The following HSPA14 variants were observed in gnomAD, a reference collection of about 807,000 sequenced individuals.
HSPA14 encodes heat shock protein family A (Hsp70) member 14, also known as heat shock 70 kDa protein 14.
Under a neutral mutation model 65.5 loss-of-function variants are expected in HSPA14, and 37 were observed. That is an observed-to-expected ratio of 0.56 (90% CI 0.43 to 0.74). HSPA14 has a LOEUF of 0.74. Ranked by LOEUF, HSPA14 falls within the 30% of genes least tolerant of loss-of-function variation. HSPA14 has a pLI of 0.00. For missense variants in HSPA14, 564 were observed against 607.6 expected (o/e 0.93, Z 0.75); for synonymous variants, 203 against 214.2 (o/e 0.95, Z 0.46).
rs201873490 is a variant in HSPA14, at chr10:14,854,408, TTA to T, written c.890+130_890+131del. On this transcript the variant is annotated intron_variant, in intron 9 of 13. Transcript: ENST00000378372. The stretch of plus-strand genomic sequence containing the variant: ...ATCAACCATCTATAATGTCTTCACT[TTA>T]TTGGGGTCCAGTTTTTGTCAGACTA... The T allele has an allele frequency of 1.8e-3, 1,274 of 710,642 alleles. 15 individuals carry two copies. In the African/African-American group the frequency reaches 0.02, roughly 11 times the overall value. The allele number at this position is 710,642 out of a possible 1,614,324, so 44.0% of individuals were successfully genotyped here.
Position 14,867,119 on chromosome 10 carries a change from C to T in HSPA14, c.1030C>T (p.Leu344=). The T allele has an allele frequency of 6.2e-7, 1 of 1,613,714 alleles. No homozygotes were observed. The highest frequency in any genetic ancestry group is 8.5e-7 in the Non-Finnish European group (1 of 1,179,720). ...TGGAGGGTCTTCTCGAATCCCAAAG[C>T]TACAGCAACTGATTAAAGATCTTTT... is the stretch of plus-strand genomic sequence containing the variant. ...LCGGSSRIPK[L]QQLIKDLFPA... Residue 344 remains leucine, a synonymous_variant, in exon 11 of 14, where the codon CTA becomes TTA. Coordinates refer to ENST00000378372, the MANE Select transcript of HSPA14 (RefSeq NM_016299.4).
At chr10:14,864,155 G>A (rs1251874070) in intron 10 of HSPA14, among the ~76,000 whole-genome samples, 2 of 150,978 alleles carry the variant, frequency 1.3e-5, no homozygotes, top group Admixed American at 6.6e-5. Context: ...CTGGAGCCCA[G>A]GAATTTGAGG....
intron 7 of HSPA14, 51 bp from the exon 8 acceptor site, chr10:14,852,319 C>A: frequency 6.8e-7 from 1 of 1,470,946 alleles, no homozygotes; most frequent in Non-Finnish European, 9.4e-7. Context: ...TAATATCCAA[C>A]TTAGTTTTAA....
chr10:14,846,165 A>G, intron 3 of HSPA14: 2 of 985,030 alleles, frequency 2.0e-6, no homozygotes, highest in Middle Eastern at 5.2e-4. Flanking sequence ...TGAAATGGAT[A>G]CAGCTATATT....
intron 11 of HSPA14, 120 bp from the exon 12 acceptor site, chr10:14,867,616 T>C: frequency 3.6e-6 from 3 of 831,210 alleles, no homozygotes; most frequent in Non-Finnish European, 5.7e-6. Flanking sequence ...TTCTATTTTC[T>C]TCTCTTTGCC....
chr10:14,865,753 A>T (rs1832801659), intron 10 of HSPA14, among the ~76,000 whole-genome samples: 1 of 151,292 alleles, frequency 6.6e-6, no homozygotes, highest in African/African-American at 2.4e-5. Flanking sequence ...GAAGTCAGGT[A>T]CTCCAGCTTT....
At chr10:14,845,539 T>C (rs1202005969) in intron 3 of HSPA14, 1 of 984,638 alleles carries the variant, frequency 1.0e-6, no homozygotes, top group African/African-American at 1.7e-5. Flanking sequence ...ATTCCTGGAT[T>C]GGAATCCTGT....
chr10:14,844,972 G>A (rs1158621045), intron 3 of HSPA14: 5 of 985,354 alleles, frequency 5.1e-6, no homozygotes, highest in Non-Finnish European at 6.0e-6. Flanking sequence ...GTTGTAGACA[G>A]AAGTTTATGT....
At position 14,853,014 on chromosome 10, in the gene HSPA14, T is replaced by C. The variant is rs552664646; in HGVS notation, c.734+483T>C. On this transcript the variant is annotated intron_variant, in intron 8 of 13. Transcript: ENST00000378372. ...GTCTTGTTACTGGATATAATTACTCTAAAATTCTAACCCTTTTGGATGTTA... is the reference window on the plus strand; with the variant it reads ...GTCTTGTTACTGGATATAATTACTCCAAAATTCTAACCCTTTTGGATGTTA... Among the ~76,000 whole-genome samples, 27 of 152,222 alleles carry C rather than the reference T, an allele frequency of 1.8e-4. No homozygotes were observed. In the South Asian group the frequency reaches 5.6e-3, roughly 32 times the overall value.
intron 3 of HSPA14, among the ~76,000 whole-genome samples, 199 bp downstream of exon 3, chr10:14,840,356 A>G (rs978442044): frequency 1.3e-4 from 20 of 152,162 alleles, no homozygotes; most frequent in Non-Finnish European, 2.6e-4. Flanking sequence ...GGATTCACTC[A>G]GATGTTAGTT....
In HSPA14 at chr10:14,842,149, T is replaced by C; in HGVS notation, c.221+1992T>C. Reference sequence around the variant, plus strand: ...GGCCTTCCAGCCAGAAATGCGGTCCTTGGACCTGGCTTCTCAGCAATTATC... The same window carrying C: ...GGCCTTCCAGCCAGAAATGCGGTCCCTGGACCTGGCTTCTCAGCAATTATC... On this transcript the variant is annotated intron_variant, in intron 3 of 13. Coordinates refer to ENST00000378372, the MANE Select transcript of HSPA14 (RefSeq NM_016299.4). The surrounding 1 kb of genome is among the most constrained non-coding windows in gnomAD (Gnocchi z 5.2). The C allele has an allele frequency of 6.5e-7, 1 of 1,534,568 alleles. No homozygotes were observed. Among genetic ancestry groups the C allele is most frequent in the Non-Finnish European group, 8.7e-7 (1 of 1,146,594 alleles).
At chr10:14,849,661 C>A in intron 5 of HSPA14, 60 bp from the exon 6 acceptor site, 1 of 1,271,744 alleles carries the variant, frequency 7.9e-7, no homozygotes, top group Non-Finnish European at 1.1e-6. Context: ...TAATAAACCT[C>A]AGAAAGTATC....
intron 3 of HSPA14, chr10:14,844,520 T>C: frequency 2.0e-6 from 2 of 987,360 alleles, no homozygotes; most frequent in Non-Finnish European, 2.4e-6. Flanking sequence ...TGTACCTTAA[T>C]CTCTTACATT....
At chr10:14,870,892 G>A (rs1396835606) in intron 13 of HSPA14, among the ~76,000 whole-genome samples, 2 of 151,948 alleles carry the variant, frequency 1.3e-5, no homozygotes, top group Non-Finnish European at 2.9e-5. Context: ...TCTTTATTTT[G>A]GCTATCATCA....
At chr10:14,866,370 G>T (rs117592933) in intron 10 of HSPA14, among the ~76,000 whole-genome samples, 1 of 152,106 alleles carries the variant, frequency 6.6e-6, no homozygotes, top group African/African-American at 2.4e-5. Context: ...CTCAGTGAGC[G>T]GTGAGATCAT....
At chr10:14,864,287 T>G (rs575816711) in intron 10 of HSPA14, among the ~76,000 whole-genome samples, 3 of 151,060 alleles carry the variant, frequency 2.0e-5, no homozygotes, top group Admixed American at 6.6e-5. Context: ...TTTTTTGGTT[T>G]TCTTTGTTTT....
In HSPA14 at chr10:14,838,308, G is replaced by A; in HGVS notation, c.-95G>A. On this transcript the variant is annotated 5_prime_UTR_variant, in exon 1 of 14. Transcript: ENST00000378372. ...GGACGCAGGGGGCTGGCGGGAACGT[G>A]AAGCTCCGCGGTGCCTGATGGGGCC... The A allele has an allele frequency of 2.3e-6, 3 of 1,296,026 alleles. No individual in the cohort carries two copies. Among genetic ancestry groups the A allele is most frequent in the South Asian group, 2.5e-5 (2 of 79,210 alleles). The allele number at this position is 1,296,026 out of a possible 1,614,324, so 80.3% of individuals were successfully genotyped here.
intron 8 of HSPA14, among the ~76,000 whole-genome samples, chr10:14,853,789 G>A (rs192882323): frequency 3.1e-4 from 47 of 152,044 alleles, no homozygotes; most frequent in African/African-American, 1.1e-3. Flanking sequence ...GTGCAATCTC[G>A]GCTCACTGCA....
rs777231181 is a variant in HSPA14 at position 14,848,777 on chromosome 10, ATTTAT to A, written c.271-7_271-3del. ...AAATTATTTATTTAGCATAATTGTA[ATTTAT>A]TTTATAGGTCATTGAAAAAAATGGG... On this transcript the variant is annotated splice_polypyrimidine_tract_variant and splice_region_variant and intron_variant, in intron 4 of 13. Transcript: ENST00000378372. The A allele has an allele frequency of 6.1e-6, 9 of 1,478,900 alleles. No homozygotes were observed. Among genetic ancestry groups the A allele is most frequent in the East Asian group, 2.3e-5 (1 of 43,894 alleles). 91.6% of individuals were successfully genotyped at this position (1,478,900 alleles called of 1,614,324 possible). A position where few individuals can be genotyped will look rare whatever the true frequency, so the allele number is the denominator to read the frequency against.
Sources: gnomAD v4.1 joint callset for allele counts (sites outside exome capture counted in the v4.1 genomes callset) on GRCh38, gnomAD v4.1.1 for gene constraint, Gnocchi (gnomAD v3.1) non-coding constraint, MANE v1.5 for transcripts, NCBI Gene and HGNC (gene_info 2026-07-23, HGNC 2026-07-21) for gene names.